The following INSL6 variants were observed in gnomAD, a reference collection of about 807,000 sequenced individuals.
INSL6 encodes insulin-like peptide INSL6.
Under a neutral mutation model 9.4 loss-of-function variants are expected in INSL6, and 16 were observed. The ratio of observed to expected loss-of-function variants is 1.70; its 90% confidence interval spans 1.15 to 2.59. The LOEUF is 2.59. INSL6 is among the 30% of genes most tolerant of loss of function. The pLI is 0.00. For synonymous variants in INSL6, 154 were observed against 96.9 expected (o/e 1.59, Z -3.46); for missense variants, 391 against 257.3 (o/e 1.52, Z -3.56).
the INSL6 span, chr9:5,085,909 C>T: frequency 3.3e-4 from 316 of 961,890 alleles, no homozygotes; most frequent in Non-Finnish European, 4.9e-4. Flanking sequence ...CTAATACCCT[C>T]ATACAGACCT....
At chr9:5,177,589 G>T (rs1224748968) in intron 1 of INSL6, among the ~76,000 whole-genome samples, 1 of 152,212 alleles carries the variant, frequency 6.6e-6, no homozygotes, top group Non-Finnish European at 1.5e-5. Context: ...TCCCAAGGAA[G>T]GGGGCTGAAT....
At chr9:5,158,861 C>T (rs1261675999) in intron 2 of INSL6, among the ~76,000 whole-genome samples, 1 of 152,004 alleles carries the variant, frequency 6.6e-6, no homozygotes, top group African/African-American at 2.4e-5. Flanking sequence ...AATATTATAA[C>T]TGTTACTATG....
the INSL6 span, among the ~76,000 whole-genome samples, chr9:5,063,678 TAAA>T: frequency 3.4e-4 from 52 of 152,350 alleles, no homozygotes; most frequent in African/African-American, 1.2e-3. Flanking sequence ...TATATTTAAA[TAAA>T]AAGTTGCATA....
chr9:5,182,189 C>G (rs1306537926), intron 1 of INSL6, among the ~76,000 whole-genome samples: 1 of 152,028 alleles, frequency 6.6e-6, no homozygotes, highest in Admixed American at 6.6e-5. Flanking sequence ...CTGAATAAAT[C>G]AGTAAAATGT....
At chr9:5,074,731 C>T in the INSL6 span, among the ~76,000 whole-genome samples, 2 of 152,136 alleles carry the variant, frequency 1.3e-5, no homozygotes, top group African/African-American at 4.8e-5. Flanking sequence ...GAAGATTCAC[C>T]CGTCTCTCAC....
chr9:5,143,940 G>A (rs956673127), intron 2 of INSL6, among the ~76,000 whole-genome samples: 5 of 152,096 alleles, frequency 3.3e-5, no homozygotes, highest in African/African-American at 7.2e-5. Flanking sequence ...GATTACAGGC[G>A]TAAGCCACTG....
At chr9:5,146,075 T>C (rs903113686) in intron 2 of INSL6, among the ~76,000 whole-genome samples, 1 of 152,194 alleles carries the variant, frequency 6.6e-6, no homozygotes, top group Non-Finnish European at 1.5e-5. Flanking sequence ...CTCATCTTTG[T>C]GGGCTTATCT....
the INSL6 span, among the ~76,000 whole-genome samples, chr9:5,034,060 C>CG: frequency 1.3e-5 from 2 of 151,430 alleles, no homozygotes; most frequent in Non-Finnish European, 2.9e-5. Flanking sequence ...ACCAAGCAAA[C>CG]GGAAAACAAA....
intron 3 of INSL6, chr9:5,127,988 T>C (rs547898372): frequency 8.6e-6 from 2 of 232,328 alleles, no homozygotes; most frequent in African/African-American, 4.4e-5. Context: ...CTTAAATCTT[T>C]TCAATTAAGT....
chr9:5,130,686 C>CA (rs1361406756), intron 3 of INSL6, among the ~76,000 whole-genome samples: 1 of 151,630 alleles, frequency 6.6e-6, no homozygotes. Context: ...TATGGAAACT[C>CA]AGAGTATGAA....
chr9:5,054,126 A>G, the INSL6 span, among the ~76,000 whole-genome samples: 11 of 152,094 alleles, frequency 7.2e-5, no homozygotes, highest in Non-Finnish European at 1.5e-4. The surrounding 1 kb of genome is among the most constrained non-coding windows in gnomAD (Gnocchi z 4.9). Flanking sequence ...ATGGCTTCCA[A>G]CAAAATGTAA....
the INSL6 span, chr9:5,081,983 G>C: frequency 3.9e-6 from 3 of 772,872 alleles, no homozygotes; most frequent in Non-Finnish European, 6.3e-6. Flanking sequence ...AAAAGGTTTG[G>C]TTGTCAGATG....
At chr9:5,051,362 G>C in the INSL6 span, among the ~76,000 whole-genome samples, 1 of 152,208 alleles carries the variant, frequency 6.6e-6, no homozygotes, top group East Asian at 1.9e-4. Context: ...CCTCCAGTTG[G>C]CTATATAAAT....
the INSL6 span, chr9:5,070,115 A>G: frequency 8.7e-7 from 1 of 1,149,324 alleles, no homozygotes; most frequent in South Asian, 1.7e-5. Flanking sequence ...TGTTTTCTTG[A>G]TTTACATTCA....
the INSL6 span, chr9:5,077,343 T>C: frequency 7.9e-6 from 3 of 380,142 alleles, no homozygotes; most frequent in East Asian, 1.5e-4. Context: ...GTTTTGCCAA[T>C]TTAATTTCTT....
At chr9:5,159,262 T>C (rs1459847261), downstream of INSL6, among the ~76,000 whole-genome samples, 1 of 151,524 alleles carries the variant, frequency 6.6e-6, no homozygotes, top group Non-Finnish European at 1.5e-5. Context: ...AGAAAATATA[T>C]AACAAAATGG....
Position 5,164,184 on chromosome 9 carries a change from G to A in INSL6, c.371C>T (p.Pro124Leu). ...AGAAAATTCTCTTGTCTTACCAAGG[G>A]GTGAATATCCCTTTTTATCCTTATA... Reference protein sequence around the residue: ...PEYKDKKGYSPLGKTREFSSS... With the variant: ...PEYKDKKGYSLLGKTREFSSS... Residue 124 changes from proline (P) to leucine (L), a missense_variant, in exon 2 of 2, where the codon CCC (proline) becomes CTC (leucine). Coordinates refer to ENST00000381641, the MANE Select transcript of INSL6 (RefSeq NM_007179.3). 6.2e-7 allele frequency: 1 copy of A among 1,607,074 alleles called. No homozygotes were observed. The highest frequency in any genetic ancestry group is 8.5e-7 in the Non-Finnish European group (1 of 1,177,270).
At chr9:5,055,905 A>G in the INSL6 span, 5 of 899,618 alleles carry the variant, frequency 5.6e-6, no homozygotes, top group Non-Finnish European at 6.6e-6. Flanking sequence ...AGTTTTAAAT[A>G]TAACTCTAAA....
chr9:5,116,150 C>T, the INSL6 span, among the ~76,000 whole-genome samples: 2 of 151,904 alleles, frequency 1.3e-5, no homozygotes, highest in Non-Finnish European at 2.9e-5. Flanking sequence ...TCATAACAAC[C>T]CTTGGAGAAC....
Sources: gnomAD v4.1 joint callset for allele counts (sites outside exome capture counted in the v4.1 genomes callset) on GRCh38, gnomAD v4.1.1 for gene constraint, Gnocchi (gnomAD v3.1) non-coding constraint, MANE v1.5 for transcripts, NCBI Gene and HGNC (gene_info 2026-07-23, HGNC 2026-07-21) for gene names.